The following HRH1 variants were observed in gnomAD, a reference collection of about 807,000 sequenced individuals.
The protein encoded by HRH1 is histamine receptor H1, also known as histamine H1 receptor.
HRH1 carries 6 observed loss-of-function variants against 10.3 expected under a neutral mutation model. The ratio of observed to expected loss-of-function variants is 0.58; its 90% CI spans 0.32 to 1.15. The LOEUF (loss-of-function observed/expected upper bound fraction) is 1.15. Among genes scored for constraint, HRH1 ranks in the 50% most tolerant of loss-of-function variants. HRH1 has a pLI of 0.05. For synonymous variants in HRH1, 242 were observed against 236.7 expected, an observed-to-expected ratio of 1.02 and a Z score of -0.21; for missense variants, 514 against 615.3, an observed-to-expected ratio of 0.84 and a Z score of 1.74.
chr3:11,228,807 G>A (rs543749021), intron 1 of HRH1, among the ~76,000 whole-genome samples: 85 of 152,034 alleles, frequency 5.6e-4, no homozygotes, highest in South Asian at 1.5e-3. Flanking sequence ...CCAGCTACTC[G>A]GGAGGCTGCG....
At chr3:11,157,740 G>A (rs1468945942) in intron 1 of HRH1, among the ~76,000 whole-genome samples, 1 of 152,200 alleles carries the variant, frequency 6.6e-6, no homozygotes, top group Non-Finnish European at 1.5e-5. Flanking sequence ...CAACAGCTTG[G>A]ATGGCAAGGG....
chr3:11,240,911 A>G (rs1007634831), intron 1 of HRH1, among the ~76,000 whole-genome samples: 1 of 152,240 alleles, frequency 6.6e-6, no homozygotes, highest in African/African-American at 2.4e-5. Flanking sequence ...AATGATGAAG[A>G]GGATAGAGAA....
intron 1 of HRH1, among the ~76,000 whole-genome samples, chr3:11,184,651 T>G (rs1186744078): frequency 3.3e-5 from 5 of 151,994 alleles, no homozygotes; most frequent in Admixed American, 2.6e-4. Flanking sequence ...GCCCGATGAC[T>G]CGCACCTGTA....
intron 1 of HRH1, among the ~76,000 whole-genome samples, chr3:11,223,547 A>G (rs11915050): frequency 0.31 from 47,341 of 151,692 alleles, 9,467 homozygotes; most frequent in African/African-American, 0.55. Flanking sequence ...GAATTTCAAC[A>G]CCCTTTAGAG....
chr3:11,259,410 C>A lies in HRH1; in HGVS notation c.373C>A (p.Arg125Ser), dbSNP rs200787735. Residue 125 changes from arginine to serine, a missense_variant, in exon 2 of 2, where the codon CGC (arginine) becomes AGC (serine). Arg to Ser is a moderately radical substitution (Grantham distance 110, BLOSUM62 -1). Coordinates refer to ENST00000431010, the MANE Select transcript of HRH1 (RefSeq NM_001098212.2). The surrounding 1 kb of genome is among the most constrained non-coding windows in gnomAD (Gnocchi z 4.6). ...IFSVFILCID[R>S]YRSVQQPLRY... ...CAGTGTCTTCATCCTGTGCATTGAT[C>A]GCTACCGCTCTGTCCAGCAGCCCCT... 4 of 1,613,848 alleles carry A rather than the reference C, an allele frequency of 2.5e-6. No individual in the cohort carries two copies. The highest frequency in any genetic ancestry group is 2.7e-5 in the African/African-American group (2 of 74,974).
At chr3:11,170,619 C>T (rs1457529258) in intron 1 of HRH1, among the ~76,000 whole-genome samples, 1 of 152,216 alleles carries the variant, frequency 6.6e-6, no homozygotes, top group Admixed American at 6.5e-5. Flanking sequence ...CTCGGAGTCA[C>T]ACAGCCGGTC....
chr3:11,188,280 T>C (rs1045475785), intron 1 of HRH1, among the ~76,000 whole-genome samples: 2 of 152,242 alleles, frequency 1.3e-5, no homozygotes, highest in African/African-American at 4.8e-5. Flanking sequence ...CCATGCCTTT[T>C]GATTCTGTAA....
At position 11,260,622 on chromosome 3, in the gene HRH1, T is replaced by C. The variant is rs1171106000; in HGVS notation, c.*121T>C. ...CTTTCTGGAATCCAAACCACAGTCT[T>C]AGGGGCTTGGTAGTTTGGAAAGTTC... On this transcript the variant is annotated 3_prime_UTR_variant, in exon 2 of 2. Transcript: ENST00000431010. 2 of 886,248 alleles carry C rather than the reference T, an allele frequency of 2.3e-6. No homozygotes were observed. The highest frequency in any genetic ancestry group is 2.7e-4 in the Middle Eastern group (1 of 3,734). 54.9% of individuals were successfully genotyped at this position (886,248 alleles called of 1,614,324 possible).
At chr3:11,156,120 G>A (rs1936784710) in intron 1 of HRH1, among the ~76,000 whole-genome samples, 2 of 152,188 alleles carry the variant, frequency 1.3e-5, no homozygotes, top group Admixed American at 6.5e-5. Flanking sequence ...CAGGTCCACT[G>A]CTCACAGGAA....
chr3:11,199,964 C>A (rs1463516644), intron 1 of HRH1, among the ~76,000 whole-genome samples: 2 of 152,158 alleles, frequency 1.3e-5, no homozygotes, highest in African/African-American at 4.8e-5. Context: ...GAAACCTAAT[C>A]CTGTTGCTGG....
rs71055851 is a variant in HRH1, at chr3:11,180,948, T to TACACACACACACAC, written c.-36+26433_-36+26446dup. 5.1e-3 allele frequency among the ~76,000 whole-genome samples: 623 copies of TACACACACACACAC among 121,114 alleles called. 15 individuals are homozygous for TACACACACACACAC. The highest frequency in any genetic ancestry group is 8.9e-3 in the African/African-American group (290 of 32,556). 79.5% of individuals were successfully genotyped at this position (121,114 alleles called of 152,430 possible). ...TGTGGACATACACTTCTCTCAGGCATACACACACACACACACACACACACA... is the reference window on the plus strand; with the variant it reads ...TGTGGACATACACTTCTCTCAGGCATACACACACACACACACACACACACACACACACACACACA... On this transcript the variant is annotated intron_variant, in intron 1 of 1. Transcript: ENST00000431010.
intron 1 of HRH1, among the ~76,000 whole-genome samples, chr3:11,236,093 A>G (rs532928861): frequency 3.8e-4 from 58 of 152,252 alleles, no homozygotes; most frequent in Non-Finnish European, 7.8e-4. Flanking sequence ...TTTTAGTTGT[A>G]CTAAGCAGAA....
At chr3:11,253,024 G>T (rs1241521012) in intron 1 of HRH1, 1 of 152,086 alleles carries the variant, frequency 6.6e-6, no homozygotes, top group African/African-American at 2.4e-5. Flanking sequence ...TAATAGATTT[G>T]TCCCTGCTTC....
intron 1 of HRH1, among the ~76,000 whole-genome samples, chr3:11,222,908 C>T (rs976490579): frequency 2.6e-5 from 4 of 152,244 alleles, no homozygotes; most frequent in African/African-American, 7.2e-5. Context: ...ACGCTCCAGC[C>T]GGGCGCGGTG....
At chr3:11,144,812 A>G (rs1386967096) in intron 1 of HRH1, among the ~76,000 whole-genome samples, 1 of 152,008 alleles carries the variant, frequency 6.6e-6, no homozygotes, top group Admixed American at 6.6e-5. Context: ...CAGAGGTTGC[A>G]GTGAGCCGAG....
upstream of HRH1, among the ~76,000 whole-genome samples, chr3:11,154,344 C>T (rs556073845): frequency 0.013 from 1,991 of 151,700 alleles, 50 homozygotes; most frequent in African/African-American, 0.046. The surrounding 1 kb of genome is among the most constrained non-coding windows in gnomAD (Gnocchi z 4.4). Context: ...CGGCCCTGGG[C>T]GCGTGGAACC....
intron 1 of HRH1, among the ~76,000 whole-genome samples, chr3:11,157,164 C>A (rs541872746): frequency 6.6e-6 from 1 of 152,280 alleles, no homozygotes; most frequent in East Asian, 1.9e-4. Flanking sequence ...AGGGTTGGAA[C>A]CCCAGCTCTT....
chr3:11,141,170 T>C (rs960562055), intron 1 of HRH1, among the ~76,000 whole-genome samples: 2 of 152,194 alleles, frequency 1.3e-5, no homozygotes, highest in Non-Finnish European at 2.9e-5. Context: ...GGTCAGGGAC[T>C]CTGCAGGGAA....
intron 1 of HRH1, among the ~76,000 whole-genome samples, chr3:11,177,254 T>A (rs962118769): frequency 5.1e-5 from 6 of 116,644 alleles, no homozygotes; most frequent in African/African-American, 1.5e-4. Context: ...ATAAATAAAT[T>A]AAATAAATAA....
Sources: gnomAD v4.1 joint callset for allele counts (sites outside exome capture counted in the v4.1 genomes callset) on GRCh38, gnomAD v4.1.1 for gene constraint, Gnocchi (gnomAD v3.1) non-coding constraint, MANE v1.5 for transcripts, NCBI Gene and HGNC (gene_info 2026-07-23, HGNC 2026-07-21) for gene names.